The following PIWIL4 variants were observed in gnomAD, a reference collection of about 807,000 sequenced individuals.
The protein encoded by PIWIL4 is piwi-like protein 4.
A neutral mutation model predicts 100.9 loss-of-function variants in PIWIL4; 50 were observed. That is an observed-to-expected ratio of 0.50 (90% CI 0.39 to 0.63). PIWIL4 has a LOEUF of 0.63. PIWIL4 is among the 20% of genes least tolerant of loss of function. The pLI is 0.00. For missense variants in PIWIL4, 887 were observed against 1,043.3 expected (o/e 0.85, Z 2.06); for synonymous variants, 342 against 367.5 (o/e 0.93, Z 0.79).
At chr11:94,594,596 G>T (rs1021917515) in intron 9 of PIWIL4, among the ~76,000 whole-genome samples, 1 of 151,654 alleles carries the variant, frequency 6.6e-6, no homozygotes, top group Non-Finnish European at 1.5e-5. Context: ...GCAATGGTGC[G>T]ATCTTGGCTC....
At chr11:94,583,270 G>A (rs999353096) in intron 4 of PIWIL4, among the ~76,000 whole-genome samples, 178 bp from the exon 5 acceptor site, 1 of 151,924 alleles carries the variant, frequency 6.6e-6, no homozygotes, top group Non-Finnish European at 1.5e-5. Flanking sequence ...TTTAGGATTG[G>A]CAAGATACAG....
chr11:94,579,281 T>C (rs1008758714), intron 4 of PIWIL4, among the ~76,000 whole-genome samples: 17 of 152,240 alleles, frequency 1.1e-4, no homozygotes, highest in Non-Finnish European at 2.4e-4. Flanking sequence ...AATGCAACCA[T>C]TGGAAATAGC....
At position 94,593,536 on chromosome 11, in the gene PIWIL4, T is replaced by C; in HGVS notation, c.1045T>C (p.Ser349Pro). The C allele has an allele frequency of 6.2e-7, 1 of 1,613,754 alleles. No individual in the cohort carries two copies. Among genetic ancestry groups the C allele is most frequent in the South Asian group, 1.1e-5 (1 of 91,076 alleles). ...YYKQQYDITV[S>P]DLNQPMLVSL... The stretch of plus-strand genomic sequence containing the variant: ...TTTATAGCAGTATGATATTACTGTA[T>C]CGGACCTGAATCAGCCCATGCTTGT... The change falls in exon 9 of 20, where the codon TCG (serine) becomes CCG (proline). Residue 349 changes from serine to proline, a missense_variant. Coordinates refer to ENST00000299001, the MANE Select transcript of PIWIL4 (RefSeq NM_152431.3).
intron 13 of PIWIL4, among the ~76,000 whole-genome samples, chr11:94,605,905 C>T (rs1948710373): frequency 6.6e-6 from 1 of 152,166 alleles, no homozygotes; most frequent in Admixed American, 6.5e-5. Flanking sequence ...CTCCATCTTT[C>T]TTGGAACACT....
intron 8 of PIWIL4, 92 bp from the exon 9 acceptor site, chr11:94,593,426 A>G (rs1159185643): frequency 3.1e-6 from 4 of 1,298,584 alleles, no homozygotes; most frequent in East Asian, 2.4e-5. Flanking sequence ...TTATTTATAT[A>G]TTAATGTTAG....
Position 94,620,054 on chromosome 11 carries a change from C to T in PIWIL4, c.2352C>T (p.Tyr784=). The T allele has an allele frequency of 2.5e-6, 4 of 1,614,082 alleles. No individual in the cohort carries two copies. The highest frequency in any genetic ancestry group is 3.4e-6 in the Non-Finnish European group (4 of 1,179,996). The change falls in exon 19 of 20, where the codon TAC becomes TAT. Residue 784 remains tyrosine, a synonymous_variant. Coordinates refer to ENST00000299001, the MANE Select transcript of PIWIL4 (RefSeq NM_152431.3). ...GCCGGGGAACTGTTAGTCCTACCTA[C>T]TATAATGTCATCTATGATGACAACG... The part of the protein sequence containing the change: ...VACRGTVSPT[Y]YNVIYDDNGL...
chr11:94,615,558 A>G (rs1948836288), intron 15 of PIWIL4, among the ~76,000 whole-genome samples: 1 of 152,164 alleles, frequency 6.6e-6, no homozygotes, highest in Non-Finnish European at 1.5e-5. Context: ...AATATCACTC[A>G]GGACTTCTAG....
In PIWIL4 at chr11:94,599,197, C is replaced by G. The variant is rs550719870; in HGVS notation, c.1380+1282C>G. Among the ~76,000 whole-genome samples the G allele has an allele frequency of 2.0e-5, 3 of 152,276 alleles. No individual in the cohort carries two copies. The East Asian group carries it at 5.8e-4, about 29-fold the overall frequency. On this transcript the variant is annotated intron_variant, in intron 11 of 19. Transcript: ENST00000299001. ...TTTCAGATCCACATGTGAAGAAGGA[C>G]TTATGTACTTAAAATGATCCATCTC...
Position 94,595,319 on chromosome 11 carries a change from C to G in PIWIL4, c.1161C>G (p.Asp387Glu). 6.2e-7 allele frequency: 1 copy of G among 1,613,478 alleles called. No homozygotes were observed. The highest frequency in any genetic ancestry group is 8.5e-7 in the Non-Finnish European group (1 of 1,179,500). ...PELCFLTGLT[D>E]QATSDFQLMK... is the part of the protein sequence containing the mutation. The stretch of plus-strand genomic sequence containing the variant: ...ATTTGCATTTAATAGGGCTGACTGA[C>G]CAGGCAACATCTGATTTCCAGCTGA... Residue 387 changes from aspartate to glutamate, a missense_variant, in exon 10 of 20, where the codon GAC becomes GAG. This residue lies in a region of PIWIL4 where 741 missense variants were observed against 930.0 expected (regional missense o/e 0.80). Coordinates refer to ENST00000299001, the MANE Select transcript of PIWIL4 (RefSeq NM_152431.3).
At chr11:94,598,241 T>G (rs928946952) in intron 11 of PIWIL4, among the ~76,000 whole-genome samples, 1 of 152,228 alleles carries the variant, frequency 6.6e-6, no homozygotes, top group Non-Finnish European at 1.5e-5. Flanking sequence ...TTCTATTAGC[T>G]GGTGGACATT....
chr11:94,579,774 T>G (rs1167639147), intron 4 of PIWIL4, among the ~76,000 whole-genome samples: 2 of 152,232 alleles, frequency 1.3e-5, no homozygotes, highest in East Asian at 3.8e-4. Flanking sequence ...CACCATAATT[T>G]TTTATTGATC....
intron 15 of PIWIL4, among the ~76,000 whole-genome samples, chr11:94,616,268 T>A (rs1009012989): frequency 1.3e-5 from 2 of 152,224 alleles, no homozygotes; most frequent in Non-Finnish European, 2.9e-5. Context: ...TGACTAGGAT[T>A]TGAAGCTCGA....
In PIWIL4 at chr11:94,617,817, T is replaced by C. The variant is rs570075382; in HGVS notation, c.2015-137T>C. ...ATCCATTGTTATATTCTTGCAAATATAACCCAAATTATGTATTGCCCTATT... is the reference window on the plus strand; with the variant it reads ...ATCCATTGTTATATTCTTGCAAATACAACCCAAATTATGTATTGCCCTATT... On this transcript the variant is annotated intron_variant, in intron 16 of 19. Transcript: ENST00000299001. The C allele has an allele frequency of 2.9e-4, 250 of 851,884 alleles. 7 individuals are homozygous for C. In the South Asian group the frequency reaches 3.7e-3, roughly 12 times the overall value. The allele number at this position is 851,884 out of a possible 1,614,324, so 52.8% of individuals were successfully genotyped here. A position where few individuals can be genotyped will look rare whatever the true frequency, so the allele number is the denominator to read the frequency against.
intron 11 of PIWIL4, among the ~76,000 whole-genome samples, chr11:94,598,686 T>C (rs1948592487): frequency 6.8e-6 from 1 of 148,126 alleles, no homozygotes; most frequent in East Asian, 2.0e-4. Context: ...GTTGGTAGAA[T>C]GGGGGGAATT....
At chr11:94,601,450 G>T (rs1360116773) in intron 11 of PIWIL4, among the ~76,000 whole-genome samples, 1 of 152,160 alleles carries the variant, frequency 6.6e-6, no homozygotes. Context: ...CAGGCTGTTT[G>T]CCTGAGTCAT....
At chr11:94,600,347 G>A (rs1948617489) in intron 11 of PIWIL4, among the ~76,000 whole-genome samples, 1 of 152,170 alleles carries the variant, frequency 6.6e-6, no homozygotes, top group African/African-American at 2.4e-5. Flanking sequence ...TAAAGGGACA[G>A]AGTACAAAAT....
intron 8 of PIWIL4, among the ~76,000 whole-genome samples, chr11:94,590,746 C>T (rs11020847): frequency 0.23 from 34,829 of 152,044 alleles, 4,362 homozygotes; most frequent in East Asian, 0.29. Context: ...ATCCTTTATC[C>T]GTGAATTTTC....
At chr11:94,618,176 AG>A in intron 17 of PIWIL4, 69 bp downstream of exon 17, 1 of 1,430,822 alleles carries the variant, frequency 7.0e-7, no homozygotes, top group Non-Finnish European at 9.3e-7. Context: ...ATTACACACA[AG>A]GTATTCAAGC....
At chr11:94,586,961 T>G (rs1948409143) in intron 6 of PIWIL4, 89 bp from the exon 7 acceptor site, 1 of 1,223,994 alleles carries the variant, frequency 8.2e-7, no homozygotes, top group Admixed American at 2.2e-5. Context: ...ATCTCGAGAA[T>G]TAGAACAGAA....
Sources: allele counts gnomAD v4.1 joint callset (sites outside exome capture counted in the v4.1 genomes callset), GRCh38; gene constraint gnomAD v4.1.1; regional missense constraint gnomAD v4.1.1; transcripts MANE v1.5; gene names NCBI Gene and HGNC (gene_info 2026-07-23, HGNC 2026-07-21).